Variants in EYS observed in about 807,000 individuals in gnomAD.
EYS encodes the protein protein eyes shut homolog.
In EYS, 250 loss-of-function variants were observed where a neutral mutation model predicts 282.1. The ratio of observed to expected loss-of-function variants is 0.89; its 90% CI spans 0.80 to 0.98. The LOEUF is 0.98. Ranked by LOEUF, EYS falls within the 50% of genes least tolerant of loss-of-function variation. The pLI is 0.00. For synonymous variants in EYS, 1,355 were observed against 1,282.9 expected (o/e 1.06, Z -1.20); for missense variants, 4,016 against 3,709.0 (o/e 1.08, Z -2.15).
intron 13 of EYS, among the ~76,000 whole-genome samples, chr6:65,019,556 C>A (rs774273176): frequency 3.9e-5 from 6 of 152,054 alleles, no homozygotes; most frequent in Admixed American, 2.0e-4. Context: ...GTTTGTAGTA[C>A]AAAATAAATG....
rs147735172 is a variant in EYS, at chr6:64,942,597, C to T, written c.2381+3196G>A. On this transcript the variant is annotated intron_variant, in intron 15 of 42. Transcript: ENST00000503581. ...AGAGACCCTTATGAACACCTCCATA[C>T]ACATAAACTAGAAAATCTAAAGGAA... is the stretch of plus-strand genomic sequence containing the variant. 4.9e-3 allele frequency among the ~76,000 whole-genome samples: 745 copies of T among 151,180 alleles called. 3 individuals are homozygous for T. The highest frequency in any genetic ancestry group is 0.017 in the African/African-American group (691 of 41,240).
intron 33 of EYS, among the ~76,000 whole-genome samples, chr6:64,002,352 C>A (rs1184859913): frequency 6.6e-6 from 1 of 152,242 alleles, no homozygotes; most frequent in Non-Finnish European, 1.5e-5. Flanking sequence ...TTCTGGGACA[C>A]TGGGCAAGAG....
chr6:63,838,773 C>T (rs988486553), intron 36 of EYS, among the ~76,000 whole-genome samples: 1 of 152,042 alleles, frequency 6.6e-6, no homozygotes, highest in African/African-American at 2.4e-5. Flanking sequence ...TTTTATGCTC[C>T]CTCCATGACC....
chr6:64,838,886 T>A (rs2150033376), intron 19 of EYS, among the ~76,000 whole-genome samples: 1 of 152,126 alleles, frequency 6.6e-6, no homozygotes, highest in African/African-American at 2.4e-5. Context: ...TTTTGCATTT[T>A]AAATATGAGC....
chr6:64,343,918 C>T (rs1006105674), intron 29 of EYS, among the ~76,000 whole-genome samples: 5 of 152,090 alleles, frequency 3.3e-5, no homozygotes, highest in Non-Finnish European at 7.4e-5. Context: ...TCAGAGAATA[C>T]TATAAACACC....
chr6:64,894,998 C>T (rs1425413926), intron 18 of EYS, among the ~76,000 whole-genome samples: 2 of 151,944 alleles, frequency 1.3e-5, no homozygotes, highest in East Asian at 1.9e-4. Context: ...CTTGTCATGC[C>T]CCTTTAGACC....
chr6:65,103,494 T>C lies in EYS; in HGVS notation c.2024-45767A>G, dbSNP rs114428530. On this transcript the variant is annotated intron_variant, in intron 12 of 42. Coordinates refer to ENST00000503581, the MANE Select transcript of EYS (RefSeq NM_001142800.2). ...TTACTATCTGATCACCAGACTCTAATAGTCAATGCCAAGTCTTCCCATTTT... is the reference window on the plus strand; with the variant it reads ...TTACTATCTGATCACCAGACTCTAACAGTCAATGCCAAGTCTTCCCATTTT... Among the ~76,000 whole-genome samples, 428 of 151,568 alleles carry C rather than the reference T, an allele frequency of 2.8e-3. 2 individuals carry two copies. The highest frequency in any genetic ancestry group is 9.8e-3 in the African/African-American group (405 of 41,496).
intron 4 of EYS, among the ~76,000 whole-genome samples, chr6:65,494,008 T>C (rs1766139105): frequency 1.3e-5 from 2 of 152,184 alleles, no homozygotes; most frequent in Admixed American, 6.5e-5. Flanking sequence ...ACCATAATCT[T>C]GGGAATTCAT....
At chr6:64,827,310 G>A (rs983395186) in intron 19 of EYS, among the ~76,000 whole-genome samples, 1 of 151,478 alleles carries the variant, frequency 6.6e-6, no homozygotes, top group Non-Finnish European at 1.5e-5. Flanking sequence ...TATTCCTTTT[G>A]ATATCTCCCA....
chr6:64,939,685 CAT>C (rs199947955), intron 15 of EYS, among the ~76,000 whole-genome samples: 3,199 of 151,926 alleles, frequency 0.021, 121 homozygotes, highest in African/African-American at 0.072. Context: ...CACACACACA[CAT>C]ACACACGTGT....
chr6:65,221,014 G>A (rs1305759692), intron 12 of EYS, among the ~76,000 whole-genome samples: 1 of 152,166 alleles, frequency 6.6e-6, no homozygotes, highest in African/African-American at 2.4e-5. Context: ...AAACTTCTAA[G>A]CAGCAAAGTG....
chr6:64,917,818 A>G (rs1444756978), intron 15 of EYS, among the ~76,000 whole-genome samples: 5 of 152,178 alleles, frequency 3.3e-5, no homozygotes, highest in Admixed American at 6.5e-5. Flanking sequence ...CACAATTTTT[A>G]TGTGTTAATT....
At chr6:64,963,420 C>T (rs994836572) in intron 14 of EYS, among the ~76,000 whole-genome samples, 3 of 152,128 alleles carry the variant, frequency 2.0e-5, no homozygotes, top group African/African-American at 4.8e-5. Flanking sequence ...CCTCTCCCTT[C>T]GTTCAGGAAT....
intron 36 of EYS, among the ~76,000 whole-genome samples, chr6:63,856,348 C>A (rs1173244507): frequency 1.3e-5 from 2 of 152,126 alleles, no homozygotes; most frequent in Non-Finnish European, 2.9e-5. Context: ...TATTTTAGAC[C>A]TTTTTAAAAA....
intron 22 of EYS, among the ~76,000 whole-genome samples, chr6:64,711,954 A>G (rs1368700709): frequency 6.6e-6 from 1 of 152,202 alleles, no homozygotes; most frequent in Non-Finnish European, 1.5e-5. Flanking sequence ...AGAAACAATT[A>G]GGAAAGGGTA....
chr6:64,368,680 T>C (rs1437707585), intron 29 of EYS, among the ~76,000 whole-genome samples: 1 of 152,174 alleles, frequency 6.6e-6, no homozygotes, highest in Non-Finnish European at 1.5e-5. Flanking sequence ...GCATTTTTCA[T>C]ATGTTTGTTG....
At chr6:63,736,233 G>C (rs1768910022) in intron 41 of EYS, among the ~76,000 whole-genome samples, 1 of 152,170 alleles carries the variant, frequency 6.6e-6, no homozygotes, top group African/African-American at 2.4e-5. Flanking sequence ...TAACGTTTAA[G>C]TCTTTAATCC....
chr6:65,630,661 T>TA (rs1247530278), intron 2 of EYS, among the ~76,000 whole-genome samples: 7 of 152,010 alleles, frequency 4.6e-5, no homozygotes, highest in Non-Finnish European at 8.8e-5. Flanking sequence ...ACAAAAGAAA[T>TA]ACCATTCTTA....
At chr6:64,556,385 C>T (rs1215405197) in intron 26 of EYS, among the ~76,000 whole-genome samples, 10 of 152,038 alleles carry the variant, frequency 6.6e-5, no homozygotes, top group Admixed American at 2.0e-4. Flanking sequence ...CACAGAGGGT[C>T]TGTGGTGTAT....
Sources: gnomAD v4.1 joint callset for allele counts (sites outside exome capture counted in the v4.1 genomes callset) on GRCh38, gnomAD v4.1.1 for gene constraint, MANE v1.5 for transcripts, NCBI Gene and HGNC (gene_info 2026-07-23, HGNC 2026-07-21) for gene names.